Variants in LMBRD1 observed in about 807,000 individuals in gnomAD.
LMBRD1 encodes the protein lysosomal cobalamin transport escort protein LMBD1.
Under a neutral mutation model 74.8 loss-of-function variants are expected in LMBRD1, and 64 were observed. The observed-to-expected ratio is 0.86, with a 90% CI of 0.70 to 1.05. The LOEUF is 1.05. Ranked by LOEUF, LMBRD1 falls within the 50% of genes least tolerant of loss-of-function variation. The pLI, the probability that LMBRD1 is intolerant of heterozygous loss-of-function variation, is 0.00. For missense variants in LMBRD1, 652 were observed against 645.9 expected (o/e 1.01, Z -0.10); for synonymous variants, 204 against 216.3 (o/e 0.94, Z 0.50).
At chr6:69,725,514 A>G (rs79575955) in intron 7 of LMBRD1, among the ~76,000 whole-genome samples, 1 of 152,166 alleles carries the variant, frequency 6.6e-6, no homozygotes, top group African/African-American at 2.4e-5. Flanking sequence ...CTAAAACAGC[A>G]TGGTACTGGC....
chr6:69,726,285 A>G (rs935001177), intron 7 of LMBRD1, among the ~76,000 whole-genome samples: 1 of 152,222 alleles, frequency 6.6e-6, no homozygotes, highest in Admixed American at 6.5e-5. Flanking sequence ...GTGGGAATGT[A>G]AATTAGTACA....
At chr6:69,707,942 A>G (rs1239857497) in intron 9 of LMBRD1, among the ~76,000 whole-genome samples, 1 of 152,184 alleles carries the variant, frequency 6.6e-6, no homozygotes, top group East Asian at 1.9e-4. Flanking sequence ...TATACACCTA[A>G]AAATATTCCA....
At chr6:69,691,139 C>CTT (rs1491575138) in intron 14 of LMBRD1, among the ~76,000 whole-genome samples, 2 of 27,222 alleles carry the variant, frequency 7.3e-5, no homozygotes, top group Non-Finnish European at 9.4e-4. Flanking sequence ...CAGCAACGGC[C>CTT]TCTCTCTCTC....
Position 69,785,469 on chromosome 6 carries a change from C to T in LMBRD1, c.246+4827G>A, listed in dbSNP as rs151084256. On this transcript the variant is annotated intron_variant, in intron 2 of 15. Transcript: ENST00000649934. ...GTACACACTTTAAAGGTAGCCTGTCCGAACTATAACTCTTTTCTCTACACC... is the reference window on the plus strand; with the variant it reads ...GTACACACTTTAAAGGTAGCCTGTCTGAACTATAACTCTTTTCTCTACACC... 2.1e-3 allele frequency among the ~76,000 whole-genome samples: 317 copies of T among 152,240 alleles called. 3 individuals carry two copies. The highest frequency in any genetic ancestry group is 6.4e-3 in the African/African-American group (267 of 41,536).
intron 14 of LMBRD1, among the ~76,000 whole-genome samples, chr6:69,680,016 T>C (rs1255592933): frequency 1.3e-5 from 2 of 152,176 alleles, no homozygotes; most frequent in Non-Finnish European, 2.9e-5. Context: ...ATATCATGAC[T>C]ACTCTGTGCA....
intron 3 of LMBRD1, among the ~76,000 whole-genome samples, chr6:69,778,883 G>C (rs562493343): frequency 1.7e-3 from 252 of 152,204 alleles, no homozygotes; most frequent in Non-Finnish European, 2.9e-3. Context: ...AAGGAGCAAA[G>C]CAGCTGAATT....
chr6:69,762,890 C>T (rs995911702), intron 3 of LMBRD1, among the ~76,000 whole-genome samples: 1 of 152,108 alleles, frequency 6.6e-6, no homozygotes, highest in Non-Finnish European at 1.5e-5. Context: ...TTCCTAGCTT[C>T]CAGAATTGTG....
At chr6:69,722,833 C>T (rs111291724) in intron 7 of LMBRD1, among the ~76,000 whole-genome samples, 5 of 152,172 alleles carry the variant, frequency 3.3e-5, no homozygotes, top group Non-Finnish European at 5.9e-5. Flanking sequence ...GAAGTCCTTA[C>T]GTATCAGTAA....
chr6:69,777,017 G>A (rs76977153), intron 3 of LMBRD1, among the ~76,000 whole-genome samples: 17,920 of 151,982 alleles, frequency 0.12, 1,697 homozygotes, highest in East Asian at 0.5. Flanking sequence ...GCATGGTGGC[G>A]AACGCTTGTA....
chr6:69,699,072 T>C lies in LMBRD1; in HGVS notation c.1309A>G (p.Met437Val). 2 of 1,605,356 alleles carry C rather than the reference T, an allele frequency of 1.2e-6. No individual in the cohort carries two copies. The highest frequency in any genetic ancestry group is 1.7e-6 in the Non-Finnish European group (2 of 1,172,692). ...MIYSLAPQYV[M>V]YGSQNYLIET... Reference sequence around the variant, plus strand: ...ATTAAGTAATTTTGGCTTCCATACATAACATATTGGGGAGCAAGACTATAA... The same window carrying C: ...ATTAAGTAATTTTGGCTTCCATACACAACATATTGGGGAGCAAGACTATAA... Residue 437 changes from methionine to valine, a missense_variant, in exon 13 of 16, where the codon ATG becomes GTG. Transcript: ENST00000649934.
At chr6:69,751,320 AGTCG>A (rs1427120681) in intron 4 of LMBRD1, among the ~76,000 whole-genome samples, 4 of 150,498 alleles carry the variant, frequency 2.7e-5, no homozygotes, top group South Asian at 2.1e-4. Flanking sequence ...GTTTTTAAAA[AGTCG>A]GTCCTTTTTT....
At chr6:69,786,785 C>T (rs1169117274) in intron 2 of LMBRD1, among the ~76,000 whole-genome samples, 1 of 152,110 alleles carries the variant, frequency 6.6e-6, no homozygotes, top group Non-Finnish European at 1.5e-5. Flanking sequence ...AATAAAGAAA[C>T]TAGCAATGAC....
intron 14 of LMBRD1, among the ~76,000 whole-genome samples, chr6:69,694,737 CCAAA>C (rs1765957448): frequency 6.6e-6 from 1 of 152,248 alleles, no homozygotes; most frequent in Admixed American, 6.5e-5. Context: ...ATTCCTTCCC[CCAAA>C]CAACCTAAGA....
intron 3 of LMBRD1, among the ~76,000 whole-genome samples, chr6:69,753,175 A>T (rs1000128278): frequency 9.2e-5 from 14 of 152,314 alleles, no homozygotes; most frequent in African/African-American, 3.4e-4. Context: ...TTCAATATAG[A>T]GCTTAAGTTA....
intron 1 of LMBRD1, among the ~76,000 whole-genome samples, chr6:69,794,521 T>C (rs1175350848): frequency 6.6e-6 from 1 of 152,222 alleles, no homozygotes; most frequent in Non-Finnish European, 1.5e-5. Flanking sequence ...AGAACAATTG[T>C]CAAACTGGTT....
intron 2 of LMBRD1, among the ~76,000 whole-genome samples, chr6:69,784,926 C>A (rs979300929): frequency 1.3e-5 from 2 of 152,088 alleles, no homozygotes; most frequent in Admixed American, 6.6e-5. Context: ...AATAAAAACA[C>A]CTCCATTAAC....
At chr6:69,750,105 T>C (rs1250358426) in intron 4 of LMBRD1, among the ~76,000 whole-genome samples, 1 of 146,064 alleles carries the variant, frequency 6.8e-6, no homozygotes, top group Admixed American at 6.9e-5. Flanking sequence ...CATATATACA[T>C]ATATAAGTAT....
In LMBRD1 at chr6:69,693,081, C is replaced by A. The variant is rs547834906; in HGVS notation, c.1417+4482G>T. Reference sequence around the variant, plus strand: ...ACATAAATTGTCTACATGTAAAGGTCCCCTTGGAATAATAGCAGTAAAATT... The same window carrying A: ...ACATAAATTGTCTACATGTAAAGGTACCCTTGGAATAATAGCAGTAAAATT... On this transcript the variant is annotated intron_variant, in intron 14 of 15. Transcript: ENST00000649934. Among the ~76,000 whole-genome samples the A allele has an allele frequency of 6.4e-4, 97 of 152,070 alleles. 1 individual carries two copies. The highest frequency in any genetic ancestry group is 2.1e-3 in the African/African-American group (86 of 41,540).
At chr6:69,771,155 T>C (rs1040062278) in intron 3 of LMBRD1, among the ~76,000 whole-genome samples, 7 of 152,204 alleles carry the variant, frequency 4.6e-5, no homozygotes, top group Admixed American at 6.5e-5. Context: ...TGAGCACAGT[T>C]TAGCTGGGTC....
Sources: gnomAD v4.1 joint callset for allele counts (sites outside exome capture counted in the v4.1 genomes callset) on GRCh38, gnomAD v4.1.1 for gene constraint, MANE v1.5 for transcripts, NCBI Gene and HGNC (gene_info 2026-07-23, HGNC 2026-07-21) for gene names.